Variants in FLCN observed in about 807,000 individuals in gnomAD.
FLCN encodes the protein folliculin.
FLCN carries 22 observed loss-of-function variants against 62.5 expected under a neutral mutation model. The ratio of observed to expected loss-of-function variants is 0.35; its 90% CI spans 0.25 to 0.50. FLCN has a LOEUF of 0.50. FLCN is among the 20% of genes least tolerant of loss of function. The pLI is 0.97. For missense variants in FLCN, 657 were observed against 778.0 expected (o/e 0.84, Z 1.85); for synonymous variants, 319 against 310.0 (o/e 1.03, Z -0.30).
chr17:17,213,375 GTCC>G lies in FLCN; in HGVS notation c.*277_*279del, dbSNP rs2046807238. The G allele has an allele frequency of 1.8e-6, 1 of 553,018 alleles. No individual in the cohort carries two copies. Among genetic ancestry groups the G allele is most frequent in the East Asian group, 3.1e-5 (1 of 32,686 alleles). The allele number at this position is 553,018 out of a possible 1,614,324, so 34.3% of individuals were successfully genotyped here. ...CCACAAGGGGCCTGGGAGGCAAGCTGTCCTCCTAGTCGTCTCTCCAAGGAGTTT... is the reference window on the plus strand; with the variant it reads ...CCACAAGGGGCCTGGGAGGCAAGCTGTCCTAGTCGTCTCTCCAAGGAGTTT... On this transcript the variant is annotated 3_prime_UTR_variant, in exon 14 of 14. Coordinates refer to ENST00000285071, the MANE Select transcript of FLCN (RefSeq NM_144997.7).
chr17:17,227,221 A>C (rs1402794503), intron 4 of FLCN, among the ~76,000 whole-genome samples: 1 of 152,160 alleles, frequency 6.6e-6, no homozygotes, highest in Non-Finnish European at 1.5e-5. Context: ...CTCCACAAAA[A>C]CAAGTGGCCC....
At chr17:17,226,025 G>A (rs936778369) in intron 5 of FLCN, 151 bp downstream of exon 5, 28 of 1,101,866 alleles carry the variant, frequency 2.5e-5, no homozygotes, top group Non-Finnish European at 3.5e-5. Flanking sequence ...CAAGGGAGGC[G>A]TCCTGTACCC....
intron 13 of FLCN, among the ~76,000 whole-genome samples, chr17:17,214,694 G>A (rs1163593965): frequency 1.3e-5 from 2 of 151,902 alleles, no homozygotes. Flanking sequence ...GCAGATGACA[G>A]AGCTTCCATT....
rs558365108 is a variant in FLCN at position 17,219,142 on chromosome 17, C to T, written c.939G>A (p.Leu313=). 4 of 1,614,220 alleles carry T rather than the reference C, an allele frequency of 2.5e-6. No homozygotes were observed. The highest frequency in any genetic ancestry group is 1.1e-5 in the South Asian group (1 of 91,082). Residue 313 remains leucine (L), a synonymous_variant, in exon 9 of 14, where the codon TTG becomes TTA. Coordinates refer to ENST00000285071, the MANE Select transcript of FLCN (RefSeq NM_144997.7). Reference sequence around the variant, plus strand: ...GCTCCCGCCCTTCTGTACTCTCTGGCAACACAGGGGCTTTCTCCTCCTCTT... The same window carrying T: ...GCTCCCGCCCTTCTGTACTCTCTGGTAACACAGGGGCTTTCTCCTCCTCTT... ...EAEEEEKAPV[L]PESTEGRELT...
Position 17,216,603 on chromosome 17 carries a change from G to A in FLCN, c.1177-100C>T, listed in dbSNP as rs907440023. 30 of 1,554,460 alleles carry A rather than the reference G, an allele frequency of 1.9e-5. No individual in the cohort carries two copies. The highest frequency in any genetic ancestry group is 5.4e-5 in the African/African-American group (4 of 73,612). The stretch of plus-strand genomic sequence containing the variant: ...AAACCCCACACGCCTCCTGCAGCCC[G>A]GTCCAAGCCCTCCCTCCTGCCAGAG... On this transcript the variant is annotated intron_variant, in intron 10 of 13. Coordinates refer to ENST00000285071, the MANE Select transcript of FLCN (RefSeq NM_144997.7). The surrounding 1 kb of genome is among the most constrained non-coding windows in gnomAD (Gnocchi z 4.0).
In FLCN at chr17:17,223,234, C is replaced by G. The variant is rs1035848481; in HGVS notation, c.619-573G>C. 2.6e-5 allele frequency: 5 copies of G among 194,354 alleles called. No individual in the cohort carries two copies. The South Asian group carries it at 4.9e-4, about 19-fold the overall frequency. 12.0% of individuals were successfully genotyped at this position (194,354 alleles called of 1,614,324 possible). A position where few individuals can be genotyped will look rare whatever the true frequency, so the allele number is the denominator to read the frequency against. ...TCAGCCTCCCAAGTAGCTGGGATTA[C>G]AGGCATGCACCACCATGCCCAGCTA... On this transcript the variant is annotated intron_variant, in intron 6 of 13. Transcript: ENST00000285071.
At chr17:17,214,097 T>G (rs1322086405) in intron 13 of FLCN, among the ~76,000 whole-genome samples, 1 of 152,102 alleles carries the variant, frequency 6.6e-6, no homozygotes, top group Non-Finnish European at 1.5e-5. Flanking sequence ...GTATGGGGCC[T>G]GTGCGCTTCC....
intron 8 of FLCN, chr17:17,219,966 T>C (rs1262540650): frequency 6.6e-6 from 1 of 152,216 alleles, no homozygotes; most frequent in Admixed American, 6.5e-5. Flanking sequence ...TATGCCCAGA[T>C]AGTATCCAAT....
intron 5 of FLCN, 112 bp downstream of exon 5, chr17:17,226,064 T>C: frequency 6.7e-7 from 1 of 1,483,856 alleles, no homozygotes; most frequent in Non-Finnish European, 9.3e-7. Context: ...GGGTCCGCCC[T>C]GAGAGAGGAC....
chr17:17,220,375 T>C (rs1289878129), intron 8 of FLCN: 1 of 152,360 alleles, frequency 6.6e-6, no homozygotes, highest in South Asian at 2.1e-4. Context: ...CATCATTTCA[T>C]TTAGTCCTCT....
intron 9 of FLCN, 53 bp downstream of exon 9, chr17:17,218,966 C>T: frequency 1.9e-6 from 3 of 1,597,156 alleles, no homozygotes; most frequent in South Asian, 1.1e-5. Context: ...CAGGGACAGC[C>T]CATGACTGGC....
chr17:17,216,568 T>C lies in FLCN; in HGVS notation c.1177-65A>G, dbSNP rs532206476. The stretch of plus-strand genomic sequence containing the variant: ...AGCCCTCAGCCCCGGCCATCCATGC[T>C]CTACTACCCAAACCCCACACGCCTC... On this transcript the variant is annotated intron_variant, in intron 10 of 13. Transcript: ENST00000285071. The surrounding 1 kb of genome is among the most constrained non-coding windows in gnomAD (Gnocchi z 4.0). 2.1e-5 allele frequency: 33 copies of C among 1,605,354 alleles called. No individual in the cohort carries two copies. The highest frequency in any genetic ancestry group is 3.3e-5 in the South Asian group (3 of 90,132).
rs1555611575 is a variant in FLCN, at chr17:17,228,128, T to C, written c.10A>G (p.Ile4Val). 2 of 1,612,854 alleles carry C rather than the reference T, an allele frequency of 1.2e-6. No homozygotes were observed. Among genetic ancestry groups the C allele is most frequent in the Non-Finnish European group, 1.7e-6 (2 of 1,180,004 alleles). ...TCGCAGAAGTGGCAGAGAGCCACGATGGCATTCATGGTGCCTTGGAGACTG... is the reference window on the plus strand; with the variant it reads ...TCGCAGAAGTGGCAGAGAGCCACGACGGCATTCATGGTGCCTTGGAGACTG... Reference protein sequence around the residue: MNAIVALCHFCELH... With the variant: MNAVVALCHFCELH... The change falls in exon 4 of 14, where the codon ATC (isoleucine) becomes GTC (valine). Residue 4 changes from isoleucine to valine, a missense_variant. Coordinates refer to ENST00000285071, the MANE Select transcript of FLCN (RefSeq NM_144997.7).
In FLCN at chr17:17,216,271, A is replaced by G. The variant is rs1003248081; in HGVS notation, c.1300+109T>C. 2 of 1,503,062 alleles carry G rather than the reference A, an allele frequency of 1.3e-6. No individual in the cohort carries two copies. Among genetic ancestry groups the G allele is most frequent in the South Asian group, 1.2e-5 (1 of 80,806 alleles). The allele number at this position is 1,503,062 out of a possible 1,614,324, so 93.1% of individuals were successfully genotyped here. A position where few individuals can be genotyped will look rare whatever the true frequency, so the allele number is the denominator to read the frequency against. ...AGCCATGGGGGAAGCTGGCCCTGCA[A>G]TGAGGCCTCCTCTCCACAACCCATG... On this transcript the variant is annotated intron_variant, in intron 11 of 13. Transcript: ENST00000285071. The surrounding 1 kb of genome is among the most constrained non-coding windows in gnomAD (Gnocchi z 4.0).
rs76045368 is a variant in FLCN at position 17,233,101 on chromosome 17, C to T, written c.-227-200G>A. 0.21 allele frequency among the ~76,000 whole-genome samples: 31,234 copies of T among 152,018 alleles called. 3,306 individuals carry two copies. The highest frequency in any genetic ancestry group is 0.26 in the Middle Eastern group (76 of 294). ...CTGACATTTTAGCTGAACTCTTGCACCTCTGAGGCACTCTAAACCAGTATT... is the reference window on the plus strand; with the variant it reads ...CTGACATTTTAGCTGAACTCTTGCATCTCTGAGGCACTCTAAACCAGTATT... On this transcript the variant is annotated intron_variant, in intron 1 of 13. Coordinates refer to ENST00000285071, the MANE Select transcript of FLCN (RefSeq NM_144997.7).
chr17:17,224,434 A>G, intron 5 of FLCN: 1 of 489,882 alleles, frequency 2.0e-6, no homozygotes, highest in Admixed American at 3.3e-5. Context: ...CCTCTCCCAG[A>G]CTCAAATGTA....
chr17:17,227,023 C>T (rs191301514), intron 4 of FLCN, among the ~76,000 whole-genome samples: 6 of 152,334 alleles, frequency 3.9e-5, no homozygotes, highest in South Asian at 2.1e-4. Flanking sequence ...AGCAGCCTGG[C>T]GGTGCCCTCC....
At chr17:17,214,333 C>T (rs550465844) in intron 13 of FLCN, among the ~76,000 whole-genome samples, 4 of 151,682 alleles carry the variant, frequency 2.6e-5, no homozygotes, top group Non-Finnish European at 4.4e-5. Flanking sequence ...CAGTGGCTCA[C>T]GCCTGTAATC....
In FLCN at chr17:17,221,575, G is replaced by A. The variant is rs748031634; in HGVS notation, c.833C>T (p.Pro278Leu). 8.1e-6 allele frequency: 13 copies of A among 1,611,680 alleles called. No individual in the cohort carries two copies. Among genetic ancestry groups the A allele is most frequent in the South Asian group, 1.1e-5 (1 of 91,064 alleles). The change falls in exon 8 of 14, where the codon CCG becomes CTG. Residue 278 changes from proline to leucine, a missense_variant. Pro to Leu is a moderately conservative substitution (Grantham distance 98, BLOSUM62 -3). Coordinates refer to ENST00000285071, the MANE Select transcript of FLCN (RefSeq NM_144997.7). Reference sequence around the variant, plus strand: ...CATCTGGACCAAGGTATCCTCGGTCGGAGCACCTTCCAGGAGCTTCTCGGT... The same window carrying A: ...CATCTGGACCAAGGTATCCTCGGTCAGAGCACCTTCCAGGAGCTTCTCGGT... ...RLTEKLLEGA[P>L]TEDTLVQMEK...
Sources: allele counts gnomAD v4.1 joint callset (sites outside exome capture counted in the v4.1 genomes callset), GRCh38; gene constraint gnomAD v4.1.1; non-coding constraint Gnocchi (gnomAD v3.1); transcripts MANE v1.5; gene names NCBI Gene and HGNC (gene_info 2026-07-23, HGNC 2026-07-21).